Variants in OR5A1 observed in about 807,000 individuals in gnomAD.
OR5A1 encodes olfactory receptor 5A1.
OR5A1 carries 6 observed loss-of-function variants against 6.7 expected under a neutral mutation model. The observed-to-expected ratio is 0.89, with a 90% CI of 0.49 to 1.76. The LOEUF is 1.76. Ranked by LOEUF, OR5A1 falls within the 40% of genes most tolerant of loss-of-function variation. The pLI is 0.01. For missense variants in OR5A1, 378 were observed against 381.7 expected (o/e 0.99, Z 0.08); for synonymous variants, 170 against 155.0 (o/e 1.10, Z -0.72).
chr11:59,447,864 C>T lies in OR5A1; in HGVS notation c.*3748C>T, dbSNP rs1858570466. On this transcript the variant is annotated 3_prime_UTR_variant, in exon 2 of 2. Coordinates refer to ENST00000641045, the MANE Select transcript of OR5A1 (RefSeq NM_001004728.2). ...GAGAGAAAATCAGACTACATGCTCC[C>T]TGCAGGGAGACAGATCCCAAAGAAA... 2 of 152,080 alleles carry T rather than the reference C, an allele frequency of 1.3e-5. No individual in the cohort carries two copies. The highest frequency in any genetic ancestry group is 4.2e-4 in the South Asian group (2 of 4,818). The allele number at this position is 152,080 out of a possible 1,614,324, so 9.4% of individuals were successfully genotyped here.
At chr11:59,441,236 T>A (rs945531375) in intron 1 of OR5A1, among the ~76,000 whole-genome samples, 3 of 152,214 alleles carry the variant, frequency 2.0e-5, no homozygotes, top group African/African-American at 7.2e-5. Flanking sequence ...CAAAGGTTTG[T>A]GTACTATGAT....
At chr11:59,437,852 T>C (rs1858436965) in intron 1 of OR5A1, among the ~76,000 whole-genome samples, 1 of 152,228 alleles carries the variant, frequency 6.6e-6, no homozygotes, top group Non-Finnish European at 1.5e-5. Context: ...TGATATAGTT[T>C]GAGTGTTTCT....
chr11:59,438,099 A>T (rs2134533552), intron 1 of OR5A1, among the ~76,000 whole-genome samples: 1 of 152,236 alleles, frequency 6.6e-6, no homozygotes, highest in African/African-American at 2.4e-5. Context: ...TTCCGCCGTG[A>T]TTATAGCTTC....
rs1382907905 is a variant in OR5A1, at chr11:59,443,627, T to G, written c.459T>G (p.Val153=). Residue 153 remains valine, a synonymous_variant, in exon 2 of 2, where the codon GTT becomes GTG. Coordinates refer to ENST00000641045, the MANE Select transcript of OR5A1 (RefSeq NM_001004728.2). ...LCTRMVVGAY[V]GGFLSSLIQA... ...CACGCATGGTGGTTGGGGCATATGT[T>G]GGTGGCTTCCTGAGCTCCCTGATCC... The G allele has an allele frequency of 1.2e-6, 2 of 1,614,104 alleles. No homozygotes were observed. The highest frequency in any genetic ancestry group is 1.7e-6 in the Non-Finnish European group (2 of 1,180,034).
intron 1 of OR5A1, among the ~76,000 whole-genome samples, chr11:59,440,775 A>T (rs545740361): frequency 6.6e-6 from 1 of 152,224 alleles, no homozygotes; most frequent in Non-Finnish European, 1.5e-5. Flanking sequence ...GACTCTAGAA[A>T]GTTCACAAAC....
rs528044975 is a variant in OR5A1 at position 59,448,984 on chromosome 11, C to T, written c.*4868C>T. On this transcript the variant is annotated 3_prime_UTR_variant, in exon 2 of 2. Coordinates refer to ENST00000641045, the MANE Select transcript of OR5A1 (RefSeq NM_001004728.2). ...GAGCCTTTGGAGATTCCTCAGACTTCCCTGTACACAGTTTCATCACCTCCT... is the reference window on the plus strand; with the variant it reads ...GAGCCTTTGGAGATTCCTCAGACTTTCCTGTACACAGTTTCATCACCTCCT... 1 of 152,156 alleles carries T rather than the reference C, an allele frequency of 6.6e-6. No individual in the cohort carries two copies. The highest frequency in any genetic ancestry group is 2.4e-5 in the African/African-American group (1 of 41,508). 9.4% of individuals were successfully genotyped at this position (152,156 alleles called of 1,614,324 possible). A position where few individuals can be genotyped will look rare whatever the true frequency, so the allele number is the denominator to read the frequency against.
At chr11:59,441,675 AG>A (rs1450064362) in intron 1 of OR5A1, among the ~76,000 whole-genome samples, 3 of 152,182 alleles carry the variant, frequency 2.0e-5, no homozygotes, top group Non-Finnish European at 4.4e-5. Flanking sequence ...TGGCTGTGTG[AG>A]GGGGCAATGG....
chr11:59,443,127 C>G lies in OR5A1; in HGVS notation c.-33-9C>G. 6.7e-7 allele frequency: 1 copy of G among 1,487,796 alleles called. No individual in the cohort carries two copies. The highest frequency in any genetic ancestry group is 1.2e-5 in the South Asian group (1 of 85,546). The allele number at this position is 1,487,796 out of a possible 1,614,324, so 92.2% of individuals were successfully genotyped here. ...CCACCTATAATGTGGACTGTCATTACTATCCCAGGTCTGCATCTTGTCCTT... is the reference window on the plus strand; with the variant it reads ...CCACCTATAATGTGGACTGTCATTAGTATCCCAGGTCTGCATCTTGTCCTT... On this transcript the variant is annotated splice_polypyrimidine_tract_variant and intron_variant, in intron 1 of 1. Coordinates refer to ENST00000641045, the MANE Select transcript of OR5A1 (RefSeq NM_001004728.2).
At position 59,443,322 on chromosome 11, in the gene OR5A1, A is replaced by G. The variant is rs17153732; in HGVS notation, c.154A>G (p.Ile52Val). 29,536 of 1,613,594 alleles carry G rather than the reference A, an allele frequency of 0.018. 1,146 individuals are homozygous for G. The highest frequency in any genetic ancestry group is 0.16 in the Admixed American group (9,896 of 59,998). Residue 52 changes from isoleucine (I) to valine (V), a missense_variant, in exon 2 of 2, where the codon ATC (isoleucine) becomes GTC (valine). Physicochemically the swap from Ile to Val is conservative, Grantham distance 29. Coordinates refer to ENST00000641045, the MANE Select transcript of OR5A1 (RefSeq NM_001004728.2). ...CTGGAACCTGGCCCTCATTTTTCTG[A>G]TCAGAGGTGACACCCATCTGCACAC... ...LAWNLALIFLIRGDTHLHTPM... is the reference protein window; with the variant it reads ...LAWNLALIFLVRGDTHLHTPM...
In OR5A1 at chr11:59,447,405, G is replaced by A. The variant is rs1255218454; in HGVS notation, c.*3289G>A. The A allele has an allele frequency of 6.6e-6, 1 of 152,132 alleles. No homozygotes were observed. The highest frequency in any genetic ancestry group is 1.5e-5 in the Non-Finnish European group (1 of 68,026). The allele number at this position is 152,132 out of a possible 1,614,324, so 9.4% of individuals were successfully genotyped here. ...AGAACTACAGAACAACTGCCACTGGGGTCAGGCTAGTGTATGAAACTGCAA... is the reference window on the plus strand; with the variant it reads ...AGAACTACAGAACAACTGCCACTGGAGTCAGGCTAGTGTATGAAACTGCAA... On this transcript the variant is annotated 3_prime_UTR_variant, in exon 2 of 2. Transcript: ENST00000641045.
intron 1 of OR5A1, among the ~76,000 whole-genome samples, chr11:59,438,095 C>T (rs891357834): frequency 6.6e-6 from 1 of 152,162 alleles, no homozygotes; most frequent in Non-Finnish European, 1.5e-5. Flanking sequence ...CACCTTCCGC[C>T]GTGATTATAG....
At chr11:59,440,160 C>T (rs1858466104) in intron 1 of OR5A1, among the ~76,000 whole-genome samples, 1 of 152,184 alleles carries the variant, frequency 6.6e-6, no homozygotes, top group African/African-American at 2.4e-5. Flanking sequence ...ACCTTGTGGG[C>T]TCAAGCAATC....
chr11:59,440,849 C>A (rs1486196268), intron 1 of OR5A1, among the ~76,000 whole-genome samples: 2 of 152,110 alleles, frequency 1.3e-5, no homozygotes, highest in Non-Finnish European at 2.9e-5. Context: ...CCGACAATAG[C>A]GTGACTAATG....
chr11:59,440,843 C>T (rs1275856732), intron 1 of OR5A1, among the ~76,000 whole-genome samples: 1 of 152,144 alleles, frequency 6.6e-6, no homozygotes, highest in African/African-American at 2.4e-5. Flanking sequence ...GTCATACCGA[C>T]AATAGCGTGA....
rs1001617737 is a variant in OR5A1, at chr11:59,448,231, T to G, written c.*4115T>G. The G allele has an allele frequency of 6.6e-6, 1 of 152,182 alleles. No individual in the cohort carries two copies. The highest frequency in any genetic ancestry group is 6.6e-5 in the Admixed American group (1 of 15,264). The allele number at this position is 152,182 out of a possible 1,614,324, so 9.4% of individuals were successfully genotyped here. On this transcript the variant is annotated 3_prime_UTR_variant, in exon 2 of 2. Transcript: ENST00000641045. Reference sequence around the variant, plus strand: ...TGAAGGAGGAGGCACAAAACCTGCATGCCATTTCAGCGTAAGTCCCTCTCC... The same window carrying G: ...TGAAGGAGGAGGCACAAAACCTGCAGGCCATTTCAGCGTAAGTCCCTCTCC...
rs1019797417 is a variant in OR5A1 at position 59,445,399 on chromosome 11, C to T, written c.*1283C>T. Reference sequence around the variant, plus strand: ...ATGTATGTACCATATTTTCTTTATCCAGTCTCTCATTGATGGGAATTTGGG... The same window carrying T: ...ATGTATGTACCATATTTTCTTTATCTAGTCTCTCATTGATGGGAATTTGGG... On this transcript the variant is annotated 3_prime_UTR_variant, in exon 2 of 2. Coordinates refer to ENST00000641045, the MANE Select transcript of OR5A1 (RefSeq NM_001004728.2). 6 of 152,120 alleles carry T rather than the reference C, an allele frequency of 3.9e-5. No individual in the cohort carries two copies. The highest frequency in any genetic ancestry group is 1.4e-4 in the African/African-American group (6 of 41,422). 9.4% of individuals were successfully genotyped at this position (152,120 alleles called of 1,614,324 possible).
rs1858539584 is a variant in OR5A1, at chr11:59,445,691, T to C, written c.*1575T>C. ...CATCTGTTGTTTCTTGACTTTTTAATAATTGCCATTCTGACTAGCATGAGA... is the reference window on the plus strand; with the variant it reads ...CATCTGTTGTTTCTTGACTTTTTAACAATTGCCATTCTGACTAGCATGAGA... On this transcript the variant is annotated 3_prime_UTR_variant, in exon 2 of 2. Coordinates refer to ENST00000641045, the MANE Select transcript of OR5A1 (RefSeq NM_001004728.2). The C allele has an allele frequency of 6.6e-6, 1 of 152,228 alleles. No homozygotes were observed. The highest frequency in any genetic ancestry group is 2.4e-5 in the African/African-American group (1 of 41,464). 9.4% of individuals were successfully genotyped at this position (152,228 alleles called of 1,614,324 possible).
At chr11:59,443,050 AC>A in intron 1 of OR5A1, 85 bp from the exon 2 acceptor site, 1 of 682,536 alleles carries the variant, frequency 1.5e-6, no homozygotes, top group Non-Finnish European at 2.5e-6. Flanking sequence ...TAAAGCTGTA[AC>A]CTGTAATCCT....
chr11:59,442,545 A>G (rs529932002), intron 1 of OR5A1, among the ~76,000 whole-genome samples: 1 of 152,348 alleles, frequency 6.6e-6, no homozygotes, highest in Admixed American at 6.5e-5. Context: ...GTATATTTGG[A>G]CCCAATATTC....
Sources: allele counts gnomAD v4.1 joint callset (sites outside exome capture counted in the v4.1 genomes callset), GRCh38; gene constraint gnomAD v4.1.1; transcripts MANE v1.5; gene names NCBI Gene and HGNC (gene_info 2026-07-23, HGNC 2026-07-21).